SOD2: variants seen among roughly 807,000 people sequenced by gnomAD.
SOD2 encodes the protein superoxide dismutase [Mn], mitochondrial.
SOD2 carries 11 observed loss-of-function variants against 27.0 expected under a neutral mutation model. The ratio of observed to expected loss-of-function variants is 0.41; its 90% CI spans 0.26 to 0.67. The LOEUF (loss-of-function observed/expected upper bound fraction) is 0.67, where lower values mean the gene tolerates loss of function less well. SOD2 is among the 30% of genes least tolerant of loss of function. The pLI, the probability that SOD2 is intolerant of heterozygous loss-of-function variation, is 0.34. For missense variants in SOD2, 250 were observed against 274.5 expected (o/e 0.91, Z 0.63); for synonymous variants, 105 against 103.0 (o/e 1.02, Z -0.12).
At chr6:159,685,228 T>TA (rs757137499) in intron 3 of SOD2, among the ~76,000 whole-genome samples, 195 bp from the exon 4 acceptor site, 1 of 142,066 alleles carries the variant, frequency 7.0e-6, no homozygotes, top group Non-Finnish European at 1.5e-5. Context: ...ACTTTTTTTT[T>TA]TTTTTTTTTT....
At chr6:159,711,706 C>T (rs200660206) in intron 1 of SOD2, among the ~76,000 whole-genome samples, 3,512 of 39,852 alleles carry the variant, frequency 0.088, 40 homozygotes, top group South Asian at 0.14. Context: ...ACCACTCACA[C>T]TGCTCTGATC....
In SOD2 at chr6:159,711,899, C is replaced by T. The variant is rs544722053; in HGVS notation, c.-116+15230G>A. Among the ~76,000 whole-genome samples, 21 of 127,282 alleles carry T rather than the reference C, an allele frequency of 1.6e-4. 3 individuals carry two copies. The highest frequency in any genetic ancestry group is 3.2e-4 in the East Asian group (1 of 3,152). 83.5% of individuals were successfully genotyped at this position (127,282 alleles called of 152,430 possible). A position where few individuals can be genotyped will look rare whatever the true frequency, so the allele number is the denominator to read the frequency against. ...TGCTCTGATCTCCATAACCACCACTCACATTGCTCTGATCACCATAACCAC... is the reference window on the plus strand; with the variant it reads ...TGCTCTGATCTCCATAACCACCACTTACATTGCTCTGATCACCATAACCAC... On this transcript the variant is annotated intron_variant, in intron 1 of 2. Transcript: ENST00000401980.
intron 1 of SOD2, chr6:159,755,511 A>G: frequency 6.2e-7 from 1 of 1,614,164 alleles, no homozygotes; most frequent in Non-Finnish European, 8.5e-7. Context: ...GACCCTCAAG[A>G]GGAGAAAGCA....
intron 1 of SOD2, chr6:159,753,638 A>G: frequency 6.3e-7 from 1 of 1,585,288 alleles, no homozygotes; most frequent in South Asian, 1.2e-5. Flanking sequence ...TTCTTTTTGG[A>G]ACGTTGTCTC....
intron 1 of SOD2, among the ~76,000 whole-genome samples, chr6:159,759,148 C>T (rs1423222521): frequency 6.6e-6 from 1 of 151,078 alleles, no homozygotes; most frequent in Non-Finnish European, 1.5e-5. Context: ...CAACCTCCGC[C>T]TCCCAGGTTC....
intron 1 of SOD2, among the ~76,000 whole-genome samples, chr6:159,723,448 T>G (rs1228957682): frequency 6.6e-6 from 1 of 152,208 alleles, no homozygotes; most frequent in African/African-American, 2.4e-5. Flanking sequence ...TCCTCTGCAT[T>G]CAGGCACAAC....
chr6:159,698,187 C>T (rs1018990007), upstream of SOD2, among the ~76,000 whole-genome samples: 6 of 152,096 alleles, frequency 3.9e-5, no homozygotes, highest in South Asian at 4.1e-4. Flanking sequence ...GCAGAAGAAT[C>T]GCTTGAACCC....
At chr6:159,695,850 A>C (rs1777413324), upstream of SOD2, among the ~76,000 whole-genome samples, 1 of 152,130 alleles carries the variant, frequency 6.6e-6, no homozygotes, top group South Asian at 2.1e-4. Flanking sequence ...CTCAGAAGTT[A>C]GATTACAGTC....
At chr6:159,728,147 T>C (rs78550031), upstream of SOD2, among the ~76,000 whole-genome samples, 5,316 of 152,316 alleles carry the variant, frequency 0.035, 109 homozygotes, top group Non-Finnish European at 0.052. Flanking sequence ...AGGATGTTAC[T>C]ACGTTCTCTT....
chr6:159,748,605 G>A (rs1056339045), upstream of SOD2: 11 of 1,324,540 alleles, frequency 8.3e-6, no homozygotes, highest in South Asian at 7.5e-5. The surrounding 1 kb of genome is among the most constrained non-coding windows in gnomAD (Gnocchi z 5.6). Context: ...TGATGGCGTC[G>A]GACTATTCCG....
chr6:159,747,061 TC>T (rs2114941320), upstream of SOD2, among the ~76,000 whole-genome samples: 1 of 152,322 alleles, frequency 6.6e-6, no homozygotes, highest in South Asian at 2.1e-4. Flanking sequence ...ACAAATATAT[TC>T]CCAAACCACT....
At chr6:159,727,323 G>A in exon 1 of SOD2, 1 of 1,276,810 alleles carries the variant, frequency 7.8e-7, no homozygotes, top group Non-Finnish European at 1.0e-6. Flanking sequence ...CGCCTGAAAG[G>A]CGACTCTCCT....
At chr6:159,757,239 CTTGTA>C (rs1376660016) in intron 1 of SOD2, among the ~76,000 whole-genome samples, 1 of 152,094 alleles carries the variant, frequency 6.6e-6, no homozygotes, top group Non-Finnish European at 1.5e-5. Context: ...TTAGACATAA[CTTGTA>C]ATACAATCAA....
chr6:159,755,611 A>G (rs1779974004), intron 1 of SOD2: 1 of 1,586,470 alleles, frequency 6.3e-7, no homozygotes, highest in Non-Finnish European at 8.6e-7. Context: ...CAGTTTTGTA[A>G]TATTTTTTCA....
intron 1 of SOD2, chr6:159,713,645 T>A (rs537244043): frequency 9.8e-7 from 1 of 1,021,648 alleles, no homozygotes; most frequent in South Asian, 1.3e-5. Flanking sequence ...CAAATGGAAG[T>A]CCTCTAAGCC....
upstream of SOD2, chr6:159,748,054 C>T (rs1779681357): frequency 9.6e-6 from 11 of 1,145,122 alleles, no homozygotes; most frequent in Non-Finnish European, 1.1e-5. This position sits in a 1 kb window ranked among gnomAD's most constrained non-coding sequence, Gnocchi z 5.6. Flanking sequence ...TAAGATTTTT[C>T]TAGAGAATTT....
chr6:159,722,633 C>T (rs1778063599), intron 1 of SOD2, among the ~76,000 whole-genome samples: 2 of 152,188 alleles, frequency 1.3e-5, no homozygotes, highest in African/African-American at 4.8e-5. Context: ...ATCCTTCAAG[C>T]TGGCTCCCAT....
chr6:159,718,754 A>G (rs1777971304), intron 1 of SOD2, among the ~76,000 whole-genome samples: 1 of 152,178 alleles, frequency 6.6e-6, no homozygotes, highest in Admixed American at 6.6e-5. Context: ...GACACAAACT[A>G]AGGTAAATAA....
At chr6:159,720,446 G>C (rs1778013354) in intron 1 of SOD2, 1 of 153,070 alleles carries the variant, frequency 6.5e-6, no homozygotes, top group Admixed American at 6.5e-5. Flanking sequence ...GCAAAGCAAA[G>C]CTCTAGTTGA....
Sources: gnomAD v4.1 joint callset for allele counts (sites outside exome capture counted in the v4.1 genomes callset) on GRCh38, gnomAD v4.1.1 for gene constraint, Gnocchi (gnomAD v3.1) non-coding constraint, MANE v1.5 for transcripts, NCBI Gene and HGNC (gene_info 2026-07-23, HGNC 2026-07-21) for gene names.